PPIL6: variants seen among roughly 807,000 people sequenced by gnomAD.
The protein encoded by PPIL6 is peptidylprolyl isomerase like 6, also known as probable inactive peptidyl-prolyl cis-trans isomerase-like 6.
In PPIL6, 39 loss-of-function variants were observed where a neutral mutation model predicts 36.8. The observed-to-expected ratio is 1.06, with a 90% CI of 0.82 to 1.38. PPIL6 has a LOEUF of 1.38. Among genes scored for constraint, PPIL6 ranks in the 40% most tolerant of loss-of-function variants. PPIL6 has a pLI of 0.00. For missense variants in PPIL6, 368 were observed against 379.1 expected (o/e 0.97, Z 0.24); for synonymous variants, 123 against 134.1 (o/e 0.92, Z 0.57).
intron 7 of PPIL6, among the ~76,000 whole-genome samples, chr6:109,395,899 G>A (rs539026111): frequency 4.9e-5 from 7 of 143,170 alleles, no homozygotes; most frequent in African/African-American, 1.6e-4. Context: ...GCAGTGGTGC[G>A]ATCTCCGCTC....
rs754246367 is a variant in PPIL6 at position 109,426,849 on chromosome 6, C to T, written c.629G>A (p.Gly210Glu). 2 of 1,515,196 alleles carry T rather than the reference C, an allele frequency of 1.3e-6. No individual in the cohort carries two copies. Among genetic ancestry groups the T allele is most frequent in the South Asian group, 1.3e-5 (1 of 74,872 alleles). The allele number at this position is 1,515,196 out of a possible 1,614,324, so 93.9% of individuals were successfully genotyped here. ...CGTATTTAAGATTTTAAACTTACCC[C>T]CTCCTTGTATCCAGCCATTCTGTAC... ...RIVQNGWIQG[G>E]DIVYGKGDNG... Residue 210 changes from glycine to glutamate, a missense_variant and splice_region_variant, in exon 5 of 8, where the codon GGG becomes GAG. Transcript: ENST00000521072.
At chr6:109,423,528 G>A (rs563949393) in intron 5 of PPIL6, among the ~76,000 whole-genome samples, 326 of 152,060 alleles carry the variant, frequency 2.1e-3, no homozygotes, top group Non-Finnish European at 3.8e-3. Context: ...TTGGGTAATT[G>A]TTCTGTGACT....
intron 7 of PPIL6, among the ~76,000 whole-genome samples, chr6:109,397,822 G>A (rs1772360799): frequency 6.6e-6 from 1 of 152,058 alleles, no homozygotes; most frequent in Non-Finnish European, 1.5e-5. Flanking sequence ...TCAGCAACAT[G>A]ACAGAGATTT....
intron 7 of PPIL6, among the ~76,000 whole-genome samples, chr6:109,396,989 G>A (rs910051792): frequency 6.6e-6 from 1 of 151,310 alleles, no homozygotes; most frequent in Non-Finnish European, 1.5e-5. Flanking sequence ...AGATGATAGG[G>A]AAGAGGCAGC....
At chr6:109,437,017 C>T (rs1216488997) in intron 1 of PPIL6, among the ~76,000 whole-genome samples, 1 of 152,152 alleles carries the variant, frequency 6.6e-6, no homozygotes, top group Non-Finnish European at 1.5e-5. Flanking sequence ...AAGATAATAA[C>T]GTTGTGGTTA....
Position 109,401,166 on chromosome 6 carries a change from G to A in PPIL6, c.689-996C>T, listed in dbSNP as rs551449968. Among the ~76,000 whole-genome samples the A allele has an allele frequency of 1.3e-3, 190 of 151,826 alleles. 1 individual carries two copies. Among genetic ancestry groups the A allele is most frequent in the African/African-American group, 4.4e-3 (181 of 41,382 alleles). ...GCTGGGATTACAGGCGTAAGCCACC[G>A]TGCCTGGCCAATCTTCAAATAAATT... On this transcript the variant is annotated intron_variant, in intron 6 of 7. Transcript: ENST00000521072.
intron 2 of PPIL6, among the ~76,000 whole-genome samples, chr6:109,433,575 C>T (rs1390736792): frequency 6.6e-6 from 1 of 152,186 alleles, no homozygotes; most frequent in Non-Finnish European, 1.5e-5. Context: ...GAGTATGAGG[C>T]TGCCTTCTTT....
rs549242302 is a variant in PPIL6, at chr6:109,430,595, T to G, written c.420+562A>C. Among the ~76,000 whole-genome samples the G allele has an allele frequency of 3.3e-5, 5 of 152,208 alleles. 1 individual carries two copies. In the South Asian group the frequency reaches 1.0e-3, roughly 32 times the overall value. ...GTACACGCCACCACGCCCAGCTAATTTTTGTATTTTTAGTAGAGATGACGT... is the reference window on the plus strand; with the variant it reads ...GTACACGCCACCACGCCCAGCTAATGTTTGTATTTTTAGTAGAGATGACGT... On this transcript the variant is annotated intron_variant, in intron 3 of 7. Coordinates refer to ENST00000521072, the MANE Select transcript of PPIL6 (RefSeq NM_173672.5).
intron 5 of PPIL6, among the ~76,000 whole-genome samples, chr6:109,422,467 T>G (rs1773601045): frequency 6.6e-6 from 1 of 152,110 alleles, no homozygotes; most frequent in African/African-American, 2.4e-5. Flanking sequence ...TGGTAATGTG[T>G]GCCTGTAGTT....
chr6:109,415,325 G>A (rs970267060), intron 6 of PPIL6, among the ~76,000 whole-genome samples: 1 of 152,154 alleles, frequency 6.6e-6, no homozygotes, highest in Non-Finnish European at 1.5e-5. Flanking sequence ...AAGTAGTCTT[G>A]AGTAACTGGA....
At chr6:109,395,072 G>T (rs1195039494) in intron 7 of PPIL6, among the ~76,000 whole-genome samples, 1 of 152,136 alleles carries the variant, frequency 6.6e-6, no homozygotes, top group African/African-American at 2.4e-5. Context: ...GACCTGCACT[G>T]CCCAATATGG....
intron 1 of PPIL6, among the ~76,000 whole-genome samples, chr6:109,437,757 G>GTTGGCCAGGCTGGTC (rs1284109930): frequency 6.6e-6 from 1 of 151,890 alleles, no homozygotes; most frequent in South Asian, 2.1e-4. Flanking sequence ...GTTTCACCAT[G>GTTGGCCAGGCTGGTC]TTGGCCAGGC....
intron 2 of PPIL6, among the ~76,000 whole-genome samples, chr6:109,434,094 T>C (rs1312522954): frequency 6.6e-6 from 1 of 151,988 alleles, no homozygotes; most frequent in Non-Finnish European, 1.5e-5. Context: ...ACATAACAAG[T>C]TTGATAAAAA....
chr6:109,420,063 C>T (rs935252824), intron 5 of PPIL6, among the ~76,000 whole-genome samples: 4 of 151,702 alleles, frequency 2.6e-5, no homozygotes, highest in African/African-American at 4.8e-5. Flanking sequence ...GAGCCAGGCG[C>T]GGTGACACAC....
intron 6 of PPIL6, among the ~76,000 whole-genome samples, chr6:109,406,217 A>ATTT (rs397887454): frequency 7.1e-6 from 1 of 140,572 alleles, no homozygotes; most frequent in Non-Finnish European, 1.6e-5. Flanking sequence ...CGCCCAGCTA[A>ATTT]TTTTTTTTTT....
At chr6:109,429,756 C>T (rs1774027622) in intron 3 of PPIL6, among the ~76,000 whole-genome samples, 1 of 152,256 alleles carries the variant, frequency 6.6e-6, no homozygotes, top group Admixed American at 6.5e-5. Flanking sequence ...CTGGCCATGT[C>T]TTCCTGCTGC....
chr6:109,413,335 C>A lies in PPIL6; in HGVS notation c.688+5852G>T, dbSNP rs1773098031. On this transcript the variant is annotated intron_variant, in intron 6 of 7. Coordinates refer to ENST00000521072, the MANE Select transcript of PPIL6 (RefSeq NM_173672.5). This position sits in a 1 kb window ranked among gnomAD's most constrained non-coding sequence, Gnocchi z 4.6. ...CAGACATTTCTCAAAAGAAGACATA[C>A]AAATGGCAAACAGGCATATGAAAAG... 6.6e-6 allele frequency among the ~76,000 whole-genome samples: 1 copy of A among 152,134 alleles called. No homozygotes were observed. Among genetic ancestry groups the A allele is most frequent in the African/African-American group, 2.4e-5 (1 of 41,430 alleles).
At chr6:109,414,010 G>C (rs1477650726) in intron 6 of PPIL6, among the ~76,000 whole-genome samples, 2 of 150,728 alleles carry the variant, frequency 1.3e-5, no homozygotes, top group Non-Finnish European at 2.9e-5. Context: ...TGGTTAATAG[G>C]CACAAAAAAA....
In PPIL6 at chr6:109,431,194, G is replaced by A; in HGVS notation, c.383C>T (p.Thr128Ile). Reference sequence around the variant, plus strand: ...TAAGAACTTAGCGGAAAAATCCTCAGTGAGTGCGTCATAAAGTGCAGAGGG... The same window carrying A: ...TAAGAACTTAGCGGAAAAATCCTCAATGAGTGCGTCATAAAGTGCAGAGGG... ...IKPSALYDAL[T>I]EDFSAKFLRD... is the part of the protein sequence containing the mutation. The change falls in exon 3 of 8, where the codon ACT (threonine) becomes ATT (isoleucine). Residue 128 changes from threonine (T) to isoleucine (I), a missense_variant. Thr to Ile is a moderately conservative substitution (Grantham distance 89). Coordinates refer to ENST00000521072, the MANE Select transcript of PPIL6 (RefSeq NM_173672.5). 6.2e-7 allele frequency: 1 copy of A among 1,611,820 alleles called. No homozygotes were observed. Among genetic ancestry groups the A allele is most frequent in the Non-Finnish European group, 8.5e-7 (1 of 1,179,072 alleles).
Sources: allele counts gnomAD v4.1 joint callset (sites outside exome capture counted in the v4.1 genomes callset), GRCh38; gene constraint gnomAD v4.1.1; non-coding constraint Gnocchi (gnomAD v3.1); transcripts MANE v1.5; gene names NCBI Gene and HGNC (gene_info 2026-07-23, HGNC 2026-07-21).